PLCB1: variants seen among roughly 807,000 people sequenced by gnomAD.
PLCB1 encodes the protein 1-phosphatidylinositol 4,5-bisphosphate phosphodiesterase beta-1.
A neutral mutation model predicts 161.8 loss-of-function variants in PLCB1; 46 were observed. The ratio of observed to expected loss-of-function variants is 0.28; its 90% CI spans 0.22 to 0.36. The LOEUF (loss-of-function observed/expected upper bound fraction) is 0.36. Ranked by LOEUF, PLCB1 falls within the 10% of genes least tolerant of loss-of-function variation. The pLI, the probability that PLCB1 is intolerant of heterozygous loss-of-function variation, is 1.00. For synonymous variants in PLCB1, 517 were observed against 503.7 expected, an observed-to-expected ratio of 1.03 and a Z score of -0.35; for missense variants, 1,016 against 1,472.5, an observed-to-expected ratio of 0.69 and a Z score of 5.07.
intron 3 of PLCB1, among the ~76,000 whole-genome samples, chr20:8,619,697 G>C (rs113692504): frequency 4.6e-4 from 70 of 152,202 alleles, no homozygotes; most frequent in African/African-American, 1.6e-3. Flanking sequence ...ACCAGGAACT[G>C]AAAAGATCTA....
rs748079484 is a variant in PLCB1, at chr20:8,717,855, G to A, written c.1513+7G>A. The A allele has an allele frequency of 1.7e-5, 27 of 1,601,106 alleles. No homozygotes were observed. The highest frequency in any genetic ancestry group is 2.2e-5 in the Non-Finnish European group (26 of 1,175,974). On this transcript the variant is annotated splice_region_variant and intron_variant, in intron 14 of 31. Transcript: ENST00000338037. ...CCCTCATCCCCAGGAGCCGGTGAGG[G>A]GCTGGTGGGCTCTCCCCGTCATGTT... is the stretch of plus-strand genomic sequence containing the variant.
Position 8,195,747 on chromosome 20 carries a change from C to T in PLCB1, c.177+45376C>T, listed in dbSNP as rs368422476. ...TTCCTTAGTCTTTCCTTGTCTTTCA[C>T]ATCCTTGGCACTTTTAAAAAGTATT... On this transcript the variant is annotated intron_variant, in intron 2 of 31. Transcript: ENST00000338037. Among the ~76,000 whole-genome samples, 6 of 152,200 alleles carry T rather than the reference C, an allele frequency of 3.9e-5. No individual in the cohort carries two copies. In the South Asian group the frequency reaches 1.0e-3, roughly 26 times the overall value.
At chr20:8,153,054 G>A (rs550843478) in intron 2 of PLCB1, among the ~76,000 whole-genome samples, 5 of 151,934 alleles carry the variant, frequency 3.3e-5, no homozygotes, top group Admixed American at 3.3e-4. Flanking sequence ...CCCCTCCTTT[G>A]ATTTGTCACC....
At chr20:8,174,303 G>A (rs376279832) in intron 2 of PLCB1, among the ~76,000 whole-genome samples, 5 of 152,114 alleles carry the variant, frequency 3.3e-5, no homozygotes, top group South Asian at 2.1e-4. Context: ...TTTCTTATCC[G>A]GAAACATGGA....
chr20:8,649,649 G>A, intron 7 of PLCB1, 200 bp downstream of exon 7: 1 of 552,278 alleles, frequency 1.8e-6, no homozygotes, highest in Non-Finnish European at 3.3e-6. Context: ...AAACAGACCT[G>A]AGCTAGCATG....
intron 3 of PLCB1, among the ~76,000 whole-genome samples, chr20:8,495,388 C>CTTTTTTTTTTTTTTTTTT (rs869173548): frequency 3.2e-5 from 3 of 94,364 alleles, no homozygotes; most frequent in African/African-American, 1.3e-4. Flanking sequence ...ACCTTCCTTT[C>CTTTTTTTTTTTTTTTTTT]TTTTTTTTTT....
intron 31 of PLCB1, among the ~76,000 whole-genome samples, chr20:8,830,606 C>T (rs1046413542): frequency 1.3e-5 from 2 of 152,112 alleles, no homozygotes; most frequent in African/African-American, 4.8e-5. Context: ...ATCAGGACCA[C>T]CCACCCATTA....
intron 2 of PLCB1, among the ~76,000 whole-genome samples, chr20:8,153,703 G>A (rs147306312): frequency 1.2e-3 from 185 of 152,160 alleles, no homozygotes; most frequent in African/African-American, 4.2e-3. Flanking sequence ...TGCCAAGGTT[G>A]GTGTAAAAAT....
chr20:8,662,580 A>G (rs1989706833), intron 9 of PLCB1, among the ~76,000 whole-genome samples: 1 of 145,688 alleles, frequency 6.9e-6, no homozygotes, highest in African/African-American at 2.5e-5. Flanking sequence ...TATTATTAAC[A>G]TAATATCTAA....
chr20:8,584,326 G>A lies in PLCB1; in HGVS notation c.247-43968G>A, dbSNP rs552697941. Among the ~76,000 whole-genome samples, 366 of 152,146 alleles carry A rather than the reference G, an allele frequency of 2.4e-3. 2 individuals carry two copies. Among genetic ancestry groups the A allele is most frequent in the African/African-American group, 8.6e-3 (355 of 41,504 alleles). On this transcript the variant is annotated intron_variant, in intron 3 of 31. Coordinates refer to ENST00000338037, the MANE Select transcript of PLCB1 (RefSeq NM_015192.4). ...ATCAATTACGTCAAACTCAAACATA[G>A]GTTTCAAAACCAGGACTTGTGCATA... is the stretch of plus-strand genomic sequence containing the variant.
intron 2 of PLCB1, among the ~76,000 whole-genome samples, chr20:8,213,976 G>GT (rs1156630733): frequency 1.1e-4 from 17 of 152,118 alleles, no homozygotes; most frequent in African/African-American, 4.1e-4. Flanking sequence ...ACAACTAGCA[G>GT]TTCTGTTATA....
chr20:8,469,301 A>G lies in PLCB1; in HGVS notation c.246+97851A>G, dbSNP rs73593754. On this transcript the variant is annotated intron_variant, in intron 3 of 31. Coordinates refer to ENST00000338037, the MANE Select transcript of PLCB1 (RefSeq NM_015192.4). ...GAATACTCAGATTATATATAGGAGAACAAAGTATGCTTAGATACGCTAATT... is the reference window on the plus strand; with the variant it reads ...GAATACTCAGATTATATATAGGAGAGCAAAGTATGCTTAGATACGCTAATT... Among the ~76,000 whole-genome samples the G allele has an allele frequency of 8.2e-3, 1,256 of 152,308 alleles. 17 individuals carry two copies. Among genetic ancestry groups the G allele is most frequent in the African/African-American group, 0.029 (1,190 of 41,564 alleles).
chr20:8,168,879 G>A (rs2051703864), intron 2 of PLCB1, among the ~76,000 whole-genome samples: 1 of 152,038 alleles, frequency 6.6e-6, no homozygotes, highest in Non-Finnish European at 1.5e-5. Flanking sequence ...GATGGGAAAT[G>A]TTCTTCAGTA....
chr20:8,558,698 A>G (rs1986044828), intron 3 of PLCB1, among the ~76,000 whole-genome samples: 1 of 151,960 alleles, frequency 6.6e-6, no homozygotes, highest in Admixed American at 6.6e-5. Flanking sequence ...GAGAGTTGCA[A>G]TTAATCACAT....
intron 3 of PLCB1, among the ~76,000 whole-genome samples, chr20:8,443,828 C>A (rs147786872): frequency 8.5e-4 from 130 of 152,308 alleles, no homozygotes; most frequent in African/African-American, 2.9e-3. Flanking sequence ...TACAATAATT[C>A]TATTTCTATC....
At chr20:8,716,961 C>T (rs1231153377) in intron 13 of PLCB1, among the ~76,000 whole-genome samples, 1 of 152,238 alleles carries the variant, frequency 6.6e-6, no homozygotes, top group Admixed American at 6.5e-5. Flanking sequence ...AGAGGACTAA[C>T]TTAGGCATTC....
In PLCB1 at chr20:8,470,067, A is replaced by G. The variant is rs146791478; in HGVS notation, c.246+98617A>G. ...GTGACCAGCTTCTTTCATATAGCCTAGCGTTTTTGAGATCCATCCGTGTAA... is the reference window on the plus strand; with the variant it reads ...GTGACCAGCTTCTTTCATATAGCCTGGCGTTTTTGAGATCCATCCGTGTAA... On this transcript the variant is annotated intron_variant, in intron 3 of 31. Coordinates refer to ENST00000338037, the MANE Select transcript of PLCB1 (RefSeq NM_015192.4). 6.3e-3 allele frequency among the ~76,000 whole-genome samples: 957 copies of G among 152,280 alleles called. 3 individuals carry two copies. Among genetic ancestry groups the G allele is most frequent in the Non-Finnish European group, 0.01 (689 of 68,010 alleles).
At chr20:8,413,943 C>T (rs1264090074) in intron 3 of PLCB1, among the ~76,000 whole-genome samples, 3 of 152,110 alleles carry the variant, frequency 2.0e-5, no homozygotes, top group Non-Finnish European at 4.4e-5. Context: ...GAACTTCAGG[C>T]ATATCTTTAT....
chr20:8,570,018 G>T (rs1429996313), intron 3 of PLCB1, among the ~76,000 whole-genome samples: 1 of 152,110 alleles, frequency 6.6e-6, no homozygotes. Flanking sequence ...GTCATTAAAG[G>T]TCTGGTTGTT....
Sources: allele counts gnomAD v4.1 joint callset (sites outside exome capture counted in the v4.1 genomes callset), GRCh38; gene constraint gnomAD v4.1.1; transcripts MANE v1.5; gene names NCBI Gene and HGNC (gene_info 2026-07-23, HGNC 2026-07-21).